Variants in PPARGC1B observed in about 807,000 individuals in gnomAD.
The protein encoded by PPARGC1B is peroxisome proliferator-activated receptor gamma coactivator 1-beta.
A neutral mutation model predicts 101.6 loss-of-function variants in PPARGC1B; 34 were observed. The ratio of observed to expected loss-of-function variants is 0.33; its 90% confidence interval spans 0.25 to 0.45. PPARGC1B has a LOEUF of 0.45. PPARGC1B is among the 20% of genes least tolerant of loss of function. The probability of loss-of-function intolerance (pLI) is 1.00; values close to 1 mark genes in which losing one functional copy is unlikely to be tolerated. For missense variants in PPARGC1B, 1,234 were observed against 1,317.6 expected, an observed-to-expected ratio of 0.94 and a Z score of 0.98; for synonymous variants, 548 against 539.3, an observed-to-expected ratio of 1.02 and a Z score of -0.22.
Position 149,747,877 on chromosome 5 carries a change from G to A in PPARGC1B, c.78+17457G>A, listed in dbSNP as rs1310962079. ...AGTGATGGTGTCTTGGGTGGAAGCT[G>A]CTTTGCCAGAGGCCCATCTCCTGAG... On this transcript the variant is annotated intron_variant, in intron 1 of 11. Transcript: ENST00000309241. Among the ~76,000 whole-genome samples the A allele has an allele frequency of 2.0e-5, 3 of 152,204 alleles. No homozygotes were observed. In the East Asian group the frequency reaches 5.8e-4, roughly 29 times the overall value.
At position 149,837,699 on chromosome 5, in the gene PPARGC1B, A is replaced by G. The variant is rs1054625301; in HGVS notation, c.2618+626A>G. Among the ~76,000 whole-genome samples, 1 of 152,190 alleles carries G rather than the reference A, an allele frequency of 6.6e-6. No individual in the cohort carries two copies. The highest frequency in any genetic ancestry group is 1.5e-5 in the Non-Finnish European group (1 of 68,028). On this transcript the variant is annotated intron_variant, in intron 8 of 11. Transcript: ENST00000309241. This position sits in a 1 kb window ranked among gnomAD's most constrained non-coding sequence, Gnocchi z 4.2. ...AGACTGGAGAAGAAGCCAGTCCAAA[A>G]GTCAGCTGGGGAGCTGGGCAGAAAA...
intron 1 of PPARGC1B, among the ~76,000 whole-genome samples, chr5:149,765,977 C>A (rs578214414): frequency 6.6e-6 from 1 of 151,996 alleles, no homozygotes; most frequent in Admixed American, 6.5e-5. Flanking sequence ...ATAGTAATTG[C>A]CCAGTTTATT....
intron 1 of PPARGC1B, among the ~76,000 whole-genome samples, chr5:149,756,550 G>A (rs1240788402): frequency 2.6e-5 from 4 of 152,186 alleles, no homozygotes; most frequent in Non-Finnish European, 5.9e-5. Flanking sequence ...CAGATGTTGG[G>A]GCTTTAGCAG....
intron 1 of PPARGC1B, among the ~76,000 whole-genome samples, chr5:149,737,767 G>A (rs921580488): frequency 1.3e-5 from 2 of 152,238 alleles, no homozygotes; most frequent in Non-Finnish European, 2.9e-5. Flanking sequence ...GCTGAGGTGG[G>A]TGGATCACCT....
At chr5:149,755,215 A>AT (rs932158273) in intron 1 of PPARGC1B, among the ~76,000 whole-genome samples, 2 of 151,210 alleles carry the variant, frequency 1.3e-5, no homozygotes. Context: ...GGCCTAGAAC[A>AT]TCCTGATTTT....
rs11371560 is a variant in PPARGC1B, at chr5:149,799,693, G to GTTTT, written c.79-20722_79-20719dup. Among the ~76,000 whole-genome samples, 304 of 76,406 alleles carry GTTTT rather than the reference G, an allele frequency of 4.0e-3. 2 individuals carry two copies. The highest frequency in any genetic ancestry group is 4.6e-3 in the Non-Finnish European group (204 of 44,528). 50.1% of individuals were successfully genotyped at this position (76,406 alleles called of 152,430 possible). On this transcript the variant is annotated intron_variant, in intron 1 of 11. Coordinates refer to ENST00000309241, the MANE Select transcript of PPARGC1B (RefSeq NM_133263.4). Reference sequence around the variant, plus strand: ...TTTGTTTGTTTGTTTGCTTGTTGTTGTTTTTTTTTTTTTTTTTTTTTGAGA... The same window carrying GTTTT: ...TTTGTTTGTTTGTTTGCTTGTTGTTGTTTTTTTTTTTTTTTTTTTTTTTTTGAGA...
At chr5:149,754,857 C>G (rs886594899) in intron 1 of PPARGC1B, among the ~76,000 whole-genome samples, 1 of 141,912 alleles carries the variant, frequency 7.0e-6, no homozygotes, top group Non-Finnish European at 1.5e-5. Context: ...TCTCAGCTCA[C>G]TGCAACCTCT....
intron 1 of PPARGC1B, among the ~76,000 whole-genome samples, chr5:149,757,781 A>G (rs773526953): frequency 1.3e-5 from 2 of 152,226 alleles, no homozygotes; most frequent in Non-Finnish European, 2.9e-5. Context: ...TGGCAGGGTC[A>G]TGGTGCAGAG....
chr5:149,836,525 A>T lies in PPARGC1B; in HGVS notation c.2070A>T (p.Gly690=), dbSNP rs1245729329. 6.2e-7 allele frequency: 1 copy of T among 1,613,996 alleles called. No homozygotes were observed. Among genetic ancestry groups the T allele is most frequent in the South Asian group, 1.1e-5 (1 of 91,080 alleles). Residue 690 remains glycine, a synonymous_variant, in exon 8 of 12, where the codon GGA becomes GGT. Coordinates refer to ENST00000309241, the MANE Select transcript of PPARGC1B (RefSeq NM_133263.4). ...AGCGTCCCTTCTCCTGTTCCTTTGG[A>T]GACCATGACTACTGCCAGGTGCTCC... ...GQKRPFSCSF[G]DHDYCQVLRP... is the part of the protein sequence containing the mutation.
intron 1 of PPARGC1B, among the ~76,000 whole-genome samples, chr5:149,806,909 C>G (rs1581075883): frequency 6.7e-6 from 1 of 149,298 alleles, no homozygotes; most frequent in East Asian, 1.9e-4. Context: ...GCCTGGCCAA[C>G]TTTTTAAAAA....
At chr5:149,830,149 T>C (rs1758719982) in intron 3 of PPARGC1B, among the ~76,000 whole-genome samples, 1 of 146,762 alleles carries the variant, frequency 6.8e-6, no homozygotes, top group Admixed American at 6.9e-5. Flanking sequence ...CACCGAAAAG[T>C]AGTTAGTGGA....
downstream of PPARGC1B, among the ~76,000 whole-genome samples, chr5:149,856,548 TG>T (rs954092921): frequency 6.6e-6 from 1 of 152,216 alleles, no homozygotes; most frequent in Non-Finnish European, 1.5e-5. Context: ...GACCTGCCTT[TG>T]GGACCCATCT....
intron 1 of PPARGC1B, among the ~76,000 whole-genome samples, chr5:149,748,850 C>T (rs769494924): frequency 6.6e-6 from 1 of 152,188 alleles, no homozygotes; most frequent in Admixed American, 6.5e-5. Context: ...CCAAGATTCT[C>T]GTCCGAGAAA....
At chr5:149,845,655 G>A in intron 10 of PPARGC1B, 105 bp from the exon 11 acceptor site, 1 of 1,209,494 alleles carries the variant, frequency 8.3e-7, no homozygotes, top group Non-Finnish European at 1.2e-6. Context: ...ACGTGATGTG[G>A]GTATCGAATC....
At chr5:149,751,316 T>C (rs911171309) in intron 1 of PPARGC1B, among the ~76,000 whole-genome samples, 1 of 152,236 alleles carries the variant, frequency 6.6e-6, no homozygotes, top group Non-Finnish European at 1.5e-5. Flanking sequence ...GCTGATCTTC[T>C]ATGATTATAT....
chr5:149,753,229 CAG>C (rs909142537), intron 1 of PPARGC1B, among the ~76,000 whole-genome samples: 29 of 152,250 alleles, frequency 1.9e-4, no homozygotes, highest in African/African-American at 7.0e-4. Flanking sequence ...TTCGTTGAGA[CAG>C]AGTCTCGCTC....
At chr5:149,846,203 C>T (rs926243604) in intron 11 of PPARGC1B, 18 of 570,354 alleles carry the variant, frequency 3.2e-5, no homozygotes, top group Admixed American at 9.4e-5. Flanking sequence ...CTGGCAGAAC[C>T]GTGGCTACGG....
intron 1 of PPARGC1B, among the ~76,000 whole-genome samples, chr5:149,733,546 T>C (rs1184622241): frequency 1.3e-5 from 2 of 152,240 alleles, no homozygotes; most frequent in Admixed American, 6.5e-5. Context: ...GTACCTTTTA[T>C]CATTGTGCCT....
intron 1 of PPARGC1B, among the ~76,000 whole-genome samples, chr5:149,791,349 T>G (rs1581057556): frequency 6.6e-6 from 1 of 151,914 alleles, no homozygotes; most frequent in Non-Finnish European, 1.5e-5. Flanking sequence ...CTCCTTGTCT[T>G]CCCTCTGTAA....
Sources: gnomAD v4.1 joint callset for allele counts (sites outside exome capture counted in the v4.1 genomes callset) on GRCh38, gnomAD v4.1.1 for gene constraint, Gnocchi (gnomAD v3.1) non-coding constraint, MANE v1.5 for transcripts, NCBI Gene and HGNC (gene_info 2026-07-23, HGNC 2026-07-21) for gene names.